The following SNX32 variants were observed in gnomAD, a reference collection of about 807,000 sequenced individuals.
SNX32 encodes the protein sorting nexin 32.
A neutral mutation model predicts 57.0 loss-of-function variants in SNX32; 58 were observed. The ratio of observed to expected loss-of-function variants is 1.02; its 90% CI spans 0.82 to 1.27. The LOEUF (loss-of-function observed/expected upper bound fraction) is 1.27. Ranked by LOEUF, SNX32 falls within the 50% of genes most tolerant of loss-of-function variation. The probability of loss-of-function intolerance (pLI) is 0.00; values close to 1 mark genes in which losing one functional copy is unlikely to be tolerated. For missense variants in SNX32, 589 were observed against 541.2 expected, an observed-to-expected ratio of 1.09 and a Z score of -0.88; for synonymous variants, 262 against 220.4, an observed-to-expected ratio of 1.19 and a Z score of -1.67.
chr11:65,838,774 T>G (rs978961092), intron 1 of SNX32, among the ~76,000 whole-genome samples: 5 of 152,172 alleles, frequency 3.3e-5, no homozygotes, highest in African/African-American at 4.8e-5. Flanking sequence ...ATAGATTATA[T>G]ACTCTGACCC....
chr11:65,852,936 A>G lies in SNX32; in HGVS notation c.1136A>G (p.Glu379Gly). 6.2e-7 allele frequency: 1 copy of G among 1,614,072 alleles called. No homozygotes were observed. Among genetic ancestry groups the G allele is most frequent in the African/African-American group, 1.3e-5 (1 of 74,998 alleles). Residue 379 changes from glutamate (E) to glycine (G), a missense_variant, in exon 12 of 13, where the codon GAG becomes GGG. Transcript: ENST00000308342. The stretch of plus-strand genomic sequence containing the variant: ...CGAAAGAATCTCATTGAGCTGGCAG[A>G]GCTGGAGCTCAAACACGCCAAGGTG... ...SFRKNLIELAELELKHAKAST... is the reference protein window; with the variant it reads ...SFRKNLIELAGLELKHAKAST...
At chr11:65,838,350 C>A (rs751056116) in intron 1 of SNX32, among the ~76,000 whole-genome samples, 1 of 151,992 alleles carries the variant, frequency 6.6e-6, no homozygotes, top group African/African-American at 2.4e-5. Flanking sequence ...GATGACAGAA[C>A]TAAAAGGAGT....
intron 9 of SNX32, 101 bp downstream of exon 9, chr11:65,851,780 G>C: frequency 7.3e-7 from 1 of 1,367,690 alleles, no homozygotes; most frequent in African/African-American, 1.4e-5. Flanking sequence ...TGGGTTCAGT[G>C]ATAACTTGGG....
rs775688974 is a variant in SNX32, at chr11:65,851,116, G to A, written c.665G>A (p.Arg222Gln). 2.8e-5 allele frequency: 45 copies of A among 1,613,566 alleles called. No homozygotes were observed. Among genetic ancestry groups the A allele is most frequent in the African/African-American group, 6.7e-5 (5 of 74,912 alleles). The change falls in exon 7 of 13, where the codon CGA becomes CAA. Residue 222 changes from arginine (R) to glutamine (Q), a missense_variant. Arg to Gln is a conservative substitution (Grantham distance 43). Transcript: ENST00000308342. ...TFLLEYHTRIRDACLRADRVM... is the reference protein window; with the variant it reads ...TFLLEYHTRIQDACLRADRVM... ...CTGTTGGAGTATCACACCCGTATCC[G>A]AGATGCCTGCCTGCGGGCCGACCGC...
intron 1 of SNX32, among the ~76,000 whole-genome samples, chr11:65,838,590 A>T (rs973039407): frequency 2.6e-5 from 4 of 152,182 alleles, no homozygotes; most frequent in South Asian, 2.1e-4. Context: ...ATTAGTAAGG[A>T]TTTAGAAGAT....
chr11:65,850,446 C>G lies in SNX32; in HGVS notation c.390C>G (p.Ile130Met), dbSNP rs760095297. Reference protein sequence around the residue: ...KQELEAEYLAIFKKTVAMHEV... With the variant: ...KQELEAEYLAMFKKTVAMHEV... Reference sequence around the variant, plus strand: ...ACTCTCGCAGGGAGTACCTGGCCATCTTTAAGAAGACAGTTGCGATGCACG... The same window carrying G: ...ACTCTCGCAGGGAGTACCTGGCCATGTTTAAGAAGACAGTTGCGATGCACG... The change falls in exon 5 of 13, where the codon ATC becomes ATG. Residue 130 changes from isoleucine to methionine, a missense_variant. Transcript: ENST00000308342. 6.2e-7 allele frequency: 1 copy of G among 1,614,198 alleles called. No homozygotes were observed. Among genetic ancestry groups the G allele is most frequent in the South Asian group, 1.1e-5 (1 of 91,082 alleles).
In SNX32 at chr11:65,853,458, C is replaced by G; in HGVS notation, c.*123C>G. On this transcript the variant is annotated 3_prime_UTR_variant, in exon 13 of 13. Transcript: ENST00000308342. ...CCACTAGCCACACCCTCACTCTGCC[C>G]CACATCCTCTCAGGGAAAGCCCAAA... 1 of 989,596 alleles carries G rather than the reference C, an allele frequency of 1.0e-6. No homozygotes were observed. Among genetic ancestry groups the G allele is most frequent in the Non-Finnish European group, 1.6e-6 (1 of 637,562 alleles). The allele number at this position is 989,596 out of a possible 1,614,324, so 61.3% of individuals were successfully genotyped here. A position where few individuals can be genotyped will look rare whatever the true frequency, so the allele number is the denominator to read the frequency against.
chr11:65,851,409 G>GACTCCCC lies in SNX32; in HGVS notation c.785+7_785+13dup. 2 of 1,614,022 alleles carry GACTCCCC rather than the reference G, an allele frequency of 1.2e-6. No homozygotes were observed. The highest frequency in any genetic ancestry group is 1.7e-6 in the Non-Finnish European group (2 of 1,179,930). On this transcript the variant is annotated splice_region_variant and intron_variant, in intron 8 of 12. Coordinates refer to ENST00000308342, the MANE Select transcript of SNX32 (RefSeq NM_152760.3). ...GAAGTCAACCAGCTAAGGACGTGAGGACTCCCCCCACCCCTACCCTCTCCC... is the reference window on the plus strand; with the variant it reads ...GAAGTCAACCAGCTAAGGACGTGAGGACTCCCCACTCCCCCCACCCCTACCCTCTCCC...
chr11:65,851,257 T>A, intron 7 of SNX32, 71 bp from the exon 8 acceptor site: 1 of 1,605,724 alleles, frequency 6.2e-7, no homozygotes. Flanking sequence ...CCTTGTTGTT[T>A]GTCTGTGGCC....
intron 11 of SNX32, 22 bp downstream of exon 11, chr11:65,852,811 CCAGCCT>C (rs1484422536): frequency 6.2e-7 from 1 of 1,611,394 alleles, no homozygotes; most frequent in South Asian, 1.1e-5. Context: ...GCCCCCAGCC[CCAGCCT>C]GGGGCCACAT....
Position 65,850,786 on chromosome 11 carries a change from C to G in SNX32, c.534C>G (p.Leu178=), listed in dbSNP as rs1256544812. 6.2e-7 allele frequency: 1 copy of G among 1,613,956 alleles called. No homozygotes were observed. The highest frequency in any genetic ancestry group is 8.5e-7 in the Non-Finnish European group (1 of 1,179,992). ...GGGGGAAGAACAGGAAGGAGCTCCT[C>G]GGAGGGTTTCTGAGGAATATTGTGA... ...SVRGKNRKEL[L]GGFLRNIVKS... The change falls in exon 6 of 13, where the codon CTC becomes CTG. Residue 178 remains leucine, a synonymous_variant. Coordinates refer to ENST00000308342, the MANE Select transcript of SNX32 (RefSeq NM_152760.3).
At position 65,852,676 on chromosome 11, in the gene SNX32, C is replaced by T; in HGVS notation, c.959C>T (p.Ala320Val). Residue 320 changes from alanine (A) to valine (V), a missense_variant, in exon 11 of 13, where the codon GCC becomes GTC. By Grantham distance (64) the Ala-to-Val change is moderately conservative. Coordinates refer to ENST00000308342, the MANE Select transcript of SNX32 (RefSeq NM_152760.3). ...CGGGCACTGGCCGACTACGAGAATG[C>T]CAACAAGGCGCTGGACAAGGCGCGC... ...RLRALADYEN[A>V]NKALDKARTR... 6.3e-7 allele frequency: 1 copy of T among 1,597,436 alleles called. No individual in the cohort carries two copies. The highest frequency in any genetic ancestry group is 8.5e-7 in the Non-Finnish European group (1 of 1,174,688).
At position 65,834,114 on chromosome 11, in the gene SNX32, T is replaced by C; in HGVS notation, c.36+13T>C. 1 of 1,550,996 alleles carries C rather than the reference T, an allele frequency of 6.4e-7. No individual in the cohort carries two copies. The highest frequency in any genetic ancestry group is 8.7e-7 in the Non-Finnish European group (1 of 1,146,640). On this transcript the variant is annotated intron_variant, in intron 1 of 12. Coordinates refer to ENST00000308342, the MANE Select transcript of SNX32 (RefSeq NM_152760.3). ...GAAGGAGGGCAAGGTAGAGAAAGGA[T>C]GAAGACCCCCACCCCAGCCTCCCCT...
At position 65,853,498 on chromosome 11, in the gene SNX32, C is replaced by A; in HGVS notation, c.*163C>A. On this transcript the variant is annotated 3_prime_UTR_variant, in exon 13 of 13. Transcript: ENST00000308342. Reference sequence around the variant, plus strand: ...GAAAGCCCAAACCCCCTATCACCACCACCACAGGTGCCAGGCCCTGCAAGA... The same window carrying A: ...GAAAGCCCAAACCCCCTATCACCACAACCACAGGTGCCAGGCCCTGCAAGA... 1.4e-6 allele frequency: 1 copy of A among 689,716 alleles called. No individual in the cohort carries two copies. The highest frequency in any genetic ancestry group is 2.5e-6 in the Non-Finnish European group (1 of 399,032). 42.7% of individuals were successfully genotyped at this position (689,716 alleles called of 1,614,324 possible).
chr11:65,839,458 T>C (rs1364381367), intron 1 of SNX32, among the ~76,000 whole-genome samples: 2 of 149,178 alleles, frequency 1.3e-5, no homozygotes, highest in African/African-American at 5.0e-5. Context: ...CTCGATCTCC[T>C]GACCTCGTGA....
rs749592576 is a variant in SNX32, at chr11:65,850,283, C to T, written c.374+12C>T. ...CAGGAGCTGGAAGCGTGAGTGCCCC[C>T]TCCTTTCCCTGCCATCCCCAGAGTC... On this transcript the variant is annotated intron_variant, in intron 4 of 12. Coordinates refer to ENST00000308342, the MANE Select transcript of SNX32 (RefSeq NM_152760.3). 1.2e-6 allele frequency: 2 copies of T among 1,614,158 alleles called. No individual in the cohort carries two copies. Among genetic ancestry groups the T allele is most frequent in the Non-Finnish European group, 1.7e-6 (2 of 1,180,036 alleles).
At chr11:65,834,294 CAT>C (rs1242697106) in intron 1 of SNX32, among the ~76,000 whole-genome samples, 193 bp downstream of exon 1, 1 of 149,896 alleles carries the variant, frequency 6.7e-6, no homozygotes, top group East Asian at 2.0e-4. Context: ...GATGTGCCTG[CAT>C]ATGTCTGTGT....
rs192657950 is a variant in SNX32 at position 65,852,891 on chromosome 11, C to A, written c.1091C>A (p.Ser364Tyr). Reference sequence around the variant, plus strand: ...TCTCCAGAGCTCATGGACTTCAAGTCCCGCCGGGTCTCCTCTTTTCGAAAG... The same window carrying A: ...TCTCCAGAGCTCATGGACTTCAAGTACCGCCGGGTCTCCTCTTTTCGAAAG... The part of the protein sequence containing the change: ...SAKQELMDFK[S>Y]RRVSSFRKNL... The change falls in exon 12 of 13, where the codon TCC (serine) becomes TAC (tyrosine). Residue 364 changes from serine to tyrosine, a missense_variant. Physicochemically the swap from Ser to Tyr is moderately radical, Grantham distance 144. Transcript: ENST00000308342. 2.8e-5 allele frequency: 46 copies of A among 1,614,170 alleles called. No individual in the cohort carries two copies. Among genetic ancestry groups the A allele is most frequent in the Middle Eastern group, 1.6e-4 (1 of 6,062 alleles).
chr11:65,840,464 C>CGTT (rs1858811644), intron 1 of SNX32, among the ~76,000 whole-genome samples: 1 of 152,058 alleles, frequency 6.6e-6, no homozygotes, highest in Non-Finnish European at 1.5e-5. Context: ...AAAGGAAGAA[C>CGTT]TAAAACTGTC....
Sources: allele counts gnomAD v4.1 joint callset (sites outside exome capture counted in the v4.1 genomes callset), GRCh38; gene constraint gnomAD v4.1.1; transcripts MANE v1.5; gene names NCBI Gene and HGNC (gene_info 2026-07-23, HGNC 2026-07-21).